The following GLRA3 variants were observed in gnomAD, a reference collection of about 807,000 sequenced individuals.
GLRA3 encodes glycine receptor alpha 3.
In GLRA3, 44 loss-of-function variants were observed where a neutral mutation model predicts 60.4. The observed-to-expected ratio is 0.73, with a 90% CI of 0.57 to 0.94. The LOEUF is 0.94. Ranked by LOEUF, GLRA3 falls within the 40% of genes least tolerant of loss-of-function variation. The pLI is 0.00. For synonymous variants in GLRA3, 223 were observed against 192.9 expected (o/e 1.16, Z -1.29); for missense variants, 508 against 564.6 (o/e 0.90, Z 1.02).
intron 2 of GLRA3, among the ~76,000 whole-genome samples, chr4:174,786,520 C>T (rs777062690): frequency 1.3e-4 from 19 of 151,860 alleles, no homozygotes; most frequent in Non-Finnish European, 2.1e-4. Context: ...TCCTGATAGC[C>T]GTAAGGAAGA....
intron 1 of GLRA3, among the ~76,000 whole-genome samples, chr4:174,813,281 C>G (rs964400571): frequency 2.0e-5 from 3 of 152,172 alleles, no homozygotes; most frequent in Admixed American, 6.5e-5. Flanking sequence ...TAATACAGTG[C>G]TCCTTTGGAA....
chr4:174,690,853 T>G (rs546148109), intron 5 of GLRA3, among the ~76,000 whole-genome samples: 80 of 152,370 alleles, frequency 5.3e-4, no homozygotes, highest in African/African-American at 1.9e-3. Flanking sequence ...TTCTTTTTTA[T>G]GGCTGCATAG....
chr4:174,713,007 T>C (rs928975360), intron 5 of GLRA3, among the ~76,000 whole-genome samples: 3 of 151,922 alleles, frequency 2.0e-5, no homozygotes, highest in Admixed American at 6.6e-5. Flanking sequence ...TGTGTGTATG[T>C]ATATGTAATT....
intron 7 of GLRA3, among the ~76,000 whole-genome samples, chr4:174,667,035 A>G (rs1733704400): frequency 6.6e-6 from 1 of 152,094 alleles, no homozygotes; most frequent in Admixed American, 6.6e-5. Context: ...GTCTACTTTG[A>G]GTCGAATGCT....
rs751697033 is a variant in GLRA3, at chr4:174,828,732, C to A, written c.71+9G>T. 1 of 1,578,602 alleles carries A rather than the reference C, an allele frequency of 6.3e-7. No homozygotes were observed. Among genetic ancestry groups the A allele is most frequent in the Non-Finnish European group, 8.7e-7 (1 of 1,147,654 alleles). The stretch of plus-strand genomic sequence containing the variant: ...GAGTTCTCCGACTGTTAAATCCAAG[C>A]GAACTCACCTGAGTAACAGTGCTGC... On this transcript the variant is annotated intron_variant, in intron 1 of 9. Coordinates refer to ENST00000274093, the MANE Select transcript of GLRA3 (RefSeq NM_006529.4).
intron 3 of GLRA3, among the ~76,000 whole-genome samples, chr4:174,752,241 G>A (rs548088182): frequency 2.0e-5 from 3 of 152,180 alleles, no homozygotes; most frequent in South Asian, 4.2e-4. Context: ...ATTGAAAGAC[G>A]GAGTGAGCAG....
intron 5 of GLRA3, among the ~76,000 whole-genome samples, chr4:174,709,656 G>A (rs116412864): frequency 6.6e-6 from 1 of 152,028 alleles, no homozygotes; most frequent in Non-Finnish European, 1.5e-5. Context: ...TTTTATACAA[G>A]CAGTTACATG....
At chr4:174,714,044 G>A (rs1273750176) in intron 5 of GLRA3, among the ~76,000 whole-genome samples, 1 of 152,148 alleles carries the variant, frequency 6.6e-6, no homozygotes, top group African/African-American at 2.4e-5. Flanking sequence ...CAACCACTGC[G>A]AATCAGCCTC....
At chr4:174,670,680 T>C (rs1405299425) in intron 7 of GLRA3, among the ~76,000 whole-genome samples, 1 of 152,200 alleles carries the variant, frequency 6.6e-6, no homozygotes, top group Non-Finnish European at 1.5e-5. Flanking sequence ...GCCCTGTCTC[T>C]ATCTCAAGTA....
At position 174,822,152 on chromosome 4, in the gene GLRA3, T is replaced by C. The variant is rs553134125; in HGVS notation, c.71+6589A>G. Among the ~76,000 whole-genome samples the C allele has an allele frequency of 8.5e-5, 13 of 152,298 alleles. No individual in the cohort carries two copies. The South Asian group carries it at 2.1e-3, about 24-fold the overall frequency. On this transcript the variant is annotated intron_variant, in intron 1 of 9. Coordinates refer to ENST00000274093, the MANE Select transcript of GLRA3 (RefSeq NM_006529.4). ...TTCTCCTCTCCACAGTGATACAGTG[T>C]TAAAAGTTGGGGTTTTGCTTCCCCA...
At position 174,643,335 on chromosome 4, in the gene GLRA3, AT is replaced by A. The variant is rs1732684750; in HGVS notation, c.*450del. The A allele has an allele frequency of 1.5e-6, 1 of 684,974 alleles. No homozygotes were observed. The highest frequency in any genetic ancestry group is 6.3e-5 in the Admixed American group (1 of 15,872). The allele number at this position is 684,974 out of a possible 1,614,324, so 42.4% of individuals were successfully genotyped here. A position where few individuals can be genotyped will look rare whatever the true frequency, so the allele number is the denominator to read the frequency against. On this transcript the variant is annotated 3_prime_UTR_variant, in exon 10 of 10. Transcript: ENST00000274093. Reference sequence around the variant, plus strand: ...AGTGAATTTCCCACTGTAACTAATTATTTTCCCATTTTGTAACTATACTATA... The same window carrying A: ...AGTGAATTTCCCACTGTAACTAATTATTTCCCATTTTGTAACTATACTATA...
chr4:174,822,980 A>G (rs967750058), intron 1 of GLRA3, among the ~76,000 whole-genome samples: 8 of 152,230 alleles, frequency 5.3e-5, no homozygotes, highest in African/African-American at 1.2e-4. Flanking sequence ...CTCTTCTGAT[A>G]ACATCTCAGG....
At chr4:174,664,206 C>T (rs7656899) in intron 7 of GLRA3, among the ~76,000 whole-genome samples, 12,884 of 152,124 alleles carry the variant, frequency 0.085, 1,795 homozygotes, top group African/African-American at 0.29. Flanking sequence ...TCTATTCTCA[C>T]TGGGACACGA....
intron 2 of GLRA3, among the ~76,000 whole-genome samples, chr4:174,774,642 A>G (rs906818149): frequency 2.6e-5 from 4 of 152,216 alleles, no homozygotes; most frequent in Non-Finnish European, 4.4e-5. Context: ...ATAACTGAAT[A>G]AGAATATTTT....
In GLRA3 at chr4:174,698,654, T is replaced by C. The variant is rs1390666261; in HGVS notation, c.575-15715A>G. On this transcript the variant is annotated intron_variant, in intron 5 of 9. Coordinates refer to ENST00000274093, the MANE Select transcript of GLRA3 (RefSeq NM_006529.4). ...GCTGGAAGCATTTGAAGAGTATTATTATGAAAAAGTCTTTGTAATACTATA... is the reference window on the plus strand; with the variant it reads ...GCTGGAAGCATTTGAAGAGTATTATCATGAAAAAGTCTTTGTAATACTATA... 2.0e-5 allele frequency among the ~76,000 whole-genome samples: 3 copies of C among 152,296 alleles called. No individual in the cohort carries two copies. In the South Asian group the frequency reaches 6.2e-4, roughly 32 times the overall value.
At chr4:174,659,541 AT>A (rs893285133) in intron 7 of GLRA3, among the ~76,000 whole-genome samples, 12 of 152,224 alleles carry the variant, frequency 7.9e-5, no homozygotes, top group African/African-American at 2.6e-4. Context: ...ATTTTCATCA[AT>A]TTTTTTAAAA....
Position 174,712,398 on chromosome 4 carries a change from C to T in GLRA3, c.574+3090G>A, listed in dbSNP as rs565712694. 15 of 151,820 alleles carry T rather than the reference C, an allele frequency of 9.9e-5. No homozygotes were observed. In the East Asian group the frequency reaches 1.9e-3, roughly 20 times the overall value. 9.4% of individuals were successfully genotyped at this position (151,820 alleles called of 1,614,324 possible). ...AATTCTTGAAACAGAGACTTTTTTG[C>T]TTTATTTATTGTTATACCACCCAAC... On this transcript the variant is annotated intron_variant, in intron 5 of 9. Transcript: ENST00000274093.
chr4:174,735,192 C>T (rs957718220), intron 3 of GLRA3, among the ~76,000 whole-genome samples: 7 of 152,078 alleles, frequency 4.6e-5, no homozygotes, highest in Non-Finnish European at 8.8e-5. Flanking sequence ...GCTAGATAAC[C>T]AGGTGGACTT....
intron 5 of GLRA3, among the ~76,000 whole-genome samples, chr4:174,701,852 C>T (rs1257887373): frequency 6.6e-6 from 1 of 152,206 alleles, no homozygotes; most frequent in East Asian, 1.9e-4. Context: ...CACCAAATTG[C>T]TACAATCTCA....
Sources: gnomAD v4.1 joint callset for allele counts (sites outside exome capture counted in the v4.1 genomes callset) on GRCh38, gnomAD v4.1.1 for gene constraint, MANE v1.5 for transcripts, NCBI Gene and HGNC (gene_info 2026-07-23, HGNC 2026-07-21) for gene names.